The following STIL variants were observed in gnomAD, a reference collection of about 807,000 sequenced individuals.
STIL encodes the protein SCL-interrupting locus protein.
A neutral mutation model predicts 110.1 loss-of-function variants in STIL; 55 were observed. The ratio of observed to expected loss-of-function variants is 0.50; its 90% CI spans 0.40 to 0.63. The LOEUF (loss-of-function observed/expected upper bound fraction) is 0.63. Ranked by LOEUF, STIL falls within the 20% of genes least tolerant of loss-of-function variation. The probability of loss-of-function intolerance (pLI) is 0.00; values close to 1 mark genes in which losing one functional copy is unlikely to be tolerated. For missense variants in STIL, 1,358 were observed against 1,530.0 expected (o/e 0.89, Z 1.87); for synonymous variants, 481 against 530.0 (o/e 0.91, Z 1.27).
intron 11 of STIL, 31 bp from the exon 12 acceptor site, chr1:47,281,240 G>GT: frequency 6.3e-7 from 1 of 1,590,654 alleles, no homozygotes; most frequent in Non-Finnish European, 8.6e-7. Context: ...GAAAAAAAAA[G>GT]TATTTTTTTG....
At chr1:47,275,725 AGCAATCCTCCT>A (rs1320710366) in intron 12 of STIL, among the ~76,000 whole-genome samples, 11 of 152,038 alleles carry the variant, frequency 7.2e-5, no homozygotes, top group Non-Finnish European at 4.4e-5. Context: ...CCTAGGCTGA[AGCAATCCTCCT>A]GCTTCAGTCT....
At chr1:47,267,919 G>GAAAATTTCATAATGA (rs1644702520) in intron 14 of STIL, among the ~76,000 whole-genome samples, 1 of 151,824 alleles carries the variant, frequency 6.6e-6, no homozygotes, top group East Asian at 1.9e-4. Flanking sequence ...TTATTTAATG[G>GAAAATTTCATAATGA]AAAATTTCAT....
chr1:47,309,725 CTG>C (rs1237589906), intron 2 of STIL, among the ~76,000 whole-genome samples: 1 of 152,128 alleles, frequency 6.6e-6, no homozygotes, highest in Non-Finnish European at 1.5e-5. Flanking sequence ...TAGTAACAGA[CTG>C]AGAAAAATGG....
At chr1:47,305,148 CAA>C in intron 2 of STIL, 152 bp from the exon 3 acceptor site, 3 of 609,246 alleles carry the variant, frequency 4.9e-6, no homozygotes, top group East Asian at 6.0e-5. Flanking sequence ...TTTTTTGAGA[CAA>C]AGTCTCACTC....
At chr1:47,301,465 A>G in intron 5 of STIL, 96 bp downstream of exon 5, 4 of 1,331,196 alleles carry the variant, frequency 3.0e-6, no homozygotes, top group Non-Finnish European at 4.2e-6. Context: ...AAATTATTGT[A>G]AATCATTCTC....
chr1:47,272,342 T>C (rs1644866126), intron 12 of STIL, 101 bp from the exon 13 acceptor site: 1 of 1,248,496 alleles, frequency 8.0e-7, no homozygotes, highest in African/African-American at 1.5e-5. Context: ...TATAAGAAAC[T>C]GACTTTTAAG....
At chr1:47,301,826 G>T in intron 4 of STIL, 78 bp from the exon 5 acceptor site, 1 of 1,367,328 alleles carries the variant, frequency 7.3e-7, no homozygotes, top group Non-Finnish European at 1.0e-6. Context: ...CTACATTATA[G>T]CAAAGCACTT....
At chr1:47,254,544 T>G (rs1644276711) in intron 16 of STIL, among the ~76,000 whole-genome samples, 1 of 152,116 alleles carries the variant, frequency 6.6e-6, no homozygotes, top group African/African-American at 2.4e-5. Context: ...TTTTTTGTTT[T>G]TTTTGAGACA....
At chr1:47,312,727 T>C (rs1646171449) in intron 1 of STIL, among the ~76,000 whole-genome samples, 1 of 152,238 alleles carries the variant, frequency 6.6e-6, no homozygotes, top group African/African-American at 2.4e-5. Context: ...TGATTTCTTA[T>C]TTTAAAACAA....
At chr1:47,269,433 T>A (rs1644754665) in intron 14 of STIL, among the ~76,000 whole-genome samples, 1 of 152,168 alleles carries the variant, frequency 6.6e-6, no homozygotes, top group African/African-American at 2.4e-5. Context: ...ATTTCAAAAT[T>A]GCTAATAGTA....
chr1:47,293,757 C>T (rs931516385), intron 7 of STIL, among the ~76,000 whole-genome samples: 2 of 151,834 alleles, frequency 1.3e-5, no homozygotes, highest in African/African-American at 4.8e-5. Flanking sequence ...TATAGACAGA[C>T]ATATAGATAT....
At chr1:47,293,585 C>A in intron 7 of STIL, 41 bp from the exon 8 acceptor site, 1 of 1,453,512 alleles carries the variant, frequency 6.9e-7, no homozygotes, top group African/African-American at 1.4e-5. Context: ...TAGTCACTTA[C>A]ATATATAGCA....
chr1:47,268,755 T>C (rs7513834), intron 14 of STIL, among the ~76,000 whole-genome samples: 3,571 of 129,200 alleles, frequency 0.028, 140 homozygotes, highest in African/African-American at 0.093. Flanking sequence ...AGAAACTCCA[T>C]CTCATAAATA....
intron 12 of STIL, among the ~76,000 whole-genome samples, chr1:47,273,323 T>A (rs1644895296): frequency 2.0e-5 from 3 of 152,214 alleles, no homozygotes; most frequent in Admixed American, 2.0e-4. Flanking sequence ...AACATTTTCA[T>A]CAAACCCCCA....
chr1:47,299,202 G>T (rs2149172843), intron 6 of STIL, among the ~76,000 whole-genome samples: 1 of 151,364 alleles, frequency 6.6e-6, no homozygotes, highest in Non-Finnish European at 1.5e-5. Context: ...ACAAAAATTA[G>T]CCGGTGTAGT....
Position 47,280,899 on chromosome 1 carries a change from T to C in STIL, c.1559A>G (p.Asn520Ser), listed in dbSNP as rs1645139634. The change falls in exon 12 of 17, where the codon AAC becomes AGC. Residue 520 changes from asparagine (N) to serine (S), a missense_variant. Physicochemically the swap from Asn to Ser is conservative, Grantham distance 46. Transcript: ENST00000371877. ...ATTATGAGAAGATGGTTTAATACTG[T>C]TCCTGGTATGGGGGTTCCCTTTCTT... is the stretch of plus-strand genomic sequence containing the variant. ...AYKKGNPHTRNSIKPSSHNGP... is the reference protein window; with the variant it reads ...AYKKGNPHTRSSIKPSSHNGP... 4 of 1,614,086 alleles carry C rather than the reference T, an allele frequency of 2.5e-6. No homozygotes were observed. The highest frequency in any genetic ancestry group is 2.5e-6 in the Non-Finnish European group (3 of 1,180,048).
intron 16 of STIL, among the ~76,000 whole-genome samples, chr1:47,257,010 TC>T: frequency 6.6e-6 from 1 of 151,284 alleles, no homozygotes; most frequent in Non-Finnish European, 1.5e-5. Flanking sequence ...CTCTGAGAGG[TC>T]CAGGAAACTG....
intron 14 of STIL, among the ~76,000 whole-genome samples, chr1:47,268,138 G>A (rs1170024528): frequency 6.6e-6 from 1 of 152,004 alleles, no homozygotes; most frequent in Admixed American, 6.6e-5. Flanking sequence ...ATATATAATG[G>A]CAATACGGAG....
chr1:47,264,000 G>A (rs146082854), intron 14 of STIL, among the ~76,000 whole-genome samples: 7,211 of 152,138 alleles, frequency 0.047, 564 homozygotes, highest in African/African-American at 0.16. Flanking sequence ...TGATCTGCCT[G>A]CCTCAGCCTC....
Sources: gnomAD v4.1 joint callset for allele counts (sites outside exome capture counted in the v4.1 genomes callset) on GRCh38, gnomAD v4.1.1 for gene constraint, MANE v1.5 for transcripts, NCBI Gene and HGNC (gene_info 2026-07-23, HGNC 2026-07-21) for gene names.